The following SCN9A variants were observed in gnomAD, a reference collection of about 807,000 sequenced individuals.
The protein encoded by SCN9A is sodium channel protein type 9 subunit alpha.
A neutral mutation model predicts 187.0 loss-of-function variants in SCN9A; 131 were observed. The observed-to-expected ratio is 0.70, with a 90% CI of 0.61 to 0.81. The LOEUF is 0.81. Ranked by LOEUF, SCN9A falls within the 30% of genes least tolerant of loss-of-function variation. The pLI, the probability that SCN9A is intolerant of heterozygous loss-of-function variation, is 0.00. For synonymous variants in SCN9A, 809 were observed against 808.6 expected (o/e 1.00, Z -0.01); for missense variants, 2,252 against 2,396.6 (o/e 0.94, Z 1.26).
At position 166,226,559 on chromosome 2, in the gene SCN9A, ATACT is replaced by A; in HGVS notation, c.4398+4_4398+7del. 6.5e-7 allele frequency: 1 copy of A among 1,534,684 alleles called. No homozygotes were observed. Among genetic ancestry groups the A allele is most frequent in the Non-Finnish European group, 8.8e-7 (1 of 1,131,736 alleles). ...TTCATTACAATGAAAAATATTTGAA[ATACT>A]TATCTTCTTTTTCTGTTGGTTGAAA... On this transcript the variant is annotated splice_donor_5th_base_variant and intron_variant, in intron 24 of 26. Coordinates refer to ENST00000642356, the MANE Select transcript of SCN9A (RefSeq NM_001365536.1).
At chr2:166,217,859 A>G (rs1175596317) in intron 24 of SCN9A, among the ~76,000 whole-genome samples, 2 of 152,094 alleles carry the variant, frequency 1.3e-5, no homozygotes, top group Non-Finnish European at 2.9e-5. Flanking sequence ...ACTTCTAGGT[A>G]TATAGTGGTA....
chr2:166,222,935 AAAAAAACAAC>A lies in SCN9A; in HGVS notation c.4398+3622_4398+3631del, dbSNP rs1694661605. Among the ~76,000 whole-genome samples, 98 of 103,578 alleles carry A rather than the reference AAAAAAACAAC, an allele frequency of 9.5e-4. 3 individuals are homozygous for A. The highest frequency in any genetic ancestry group is 3.8e-3 in the African/African-American group (89 of 23,384). The allele number at this position is 103,578 out of a possible 152,430, so 68.0% of individuals were successfully genotyped here. A position where few individuals can be genotyped will look rare whatever the true frequency, so the allele number is the denominator to read the frequency against. On this transcript the variant is annotated intron_variant, in intron 24 of 26. Transcript: ENST00000642356. Reference sequence around the variant, plus strand: ...GACAGAGCGAAACTCCGTCTCAAAAAAAAAAACAACAAAAAAAAAAAAAAAAAAAAAAAAA... The same window carrying A: ...GACAGAGCGAAACTCCGTCTCAAAAAAAAAAAAAAAAAAAAAAAAAAAAAA...
At position 166,204,361 on chromosome 2, in the gene SCN9A, C is replaced by T. The variant is rs934276496; in HGVS notation, c.4502G>A (p.Gly1501Glu). Residue 1501 changes from glycine to glutamate, a missense_variant and splice_region_variant, in exon 25 of 27, where the codon GGG becomes GAG. By Grantham distance (98) the Gly-to-Glu change is moderately conservative (BLOSUM62 -2). Transcript: ENST00000642356. ...CTAAAGATATATATATTTTTTTACCCCTGGTCGAGGAATTGGCTTTTGTGG... is the reference window on the plus strand; with the variant it reads ...CTAAAGATATATATATTTTTTTACCTCTGGTCGAGGAATTGGCTTTTGTGG... The part of the protein sequence containing the change: ...KKPQKPIPRP[G>E]NKIQGCIFDL... 2.5e-6 allele frequency: 4 copies of T among 1,602,550 alleles called. No homozygotes were observed. Among genetic ancestry groups the T allele is most frequent in the African/African-American group, 2.7e-5 (2 of 74,564 alleles).
At chr2:166,265,193 A>G (rs532211463) in intron 17 of SCN9A, among the ~76,000 whole-genome samples, 2 of 151,872 alleles carry the variant, frequency 1.3e-5, no homozygotes, top group South Asian at 4.2e-4. Context: ...GTACCTGTTG[A>G]CCAATCTTTC....
At chr2:166,228,565 C>T in intron 22 of SCN9A, 126 bp downstream of exon 22, 1 of 869,888 alleles carries the variant, frequency 1.1e-6, no homozygotes, top group Non-Finnish European at 1.6e-6. Context: ...CCAAGACTGG[C>T]ACTGTTTTAA....
Position 166,272,745 on chromosome 2 carries a change from A to G in SCN9A, c.3005T>C (p.Val1002Ala). 6.4e-7 allele frequency: 1 copy of G among 1,565,720 alleles called. No individual in the cohort carries two copies. The highest frequency in any genetic ancestry group is 8.6e-7 in the Non-Finnish European group (1 of 1,158,922). ...VTRIKKGINYVKQTLREFILK... is the reference protein window; with the variant it reads ...VTRIKKGINYAKQTLREFILK... ...AATAAATTCACGTAAGGTTTGTTTCACATAATTTATTCCCTTTTTAATTCT... is the reference window on the plus strand; with the variant it reads ...AATAAATTCACGTAAGGTTTGTTTCGCATAATTTATTCCCTTTTTAATTCT... Residue 1002 changes from valine (V) to alanine (A), a missense_variant, in exon 17 of 27, where the codon GTG (valine) becomes GCG (alanine). By Grantham distance (64) the Val-to-Ala change is moderately conservative (BLOSUM62 0). Around this residue, in one of 7 missense-constraint regions of SCN9A, gnomAD observed 313 missense variants for 295.3 expected, o/e 1.06. Coordinates refer to ENST00000642356, the MANE Select transcript of SCN9A (RefSeq NM_001365536.1).
intron 18 of SCN9A, among the ~76,000 whole-genome samples, chr2:166,251,054 T>C (rs185274423): frequency 6.6e-6 from 1 of 151,716 alleles, no homozygotes; most frequent in East Asian, 1.9e-4. Context: ...AAACAACAGA[T>C]GGTGATGACC....
chr2:166,219,372 T>C, intron 24 of SCN9A, among the ~76,000 whole-genome samples: 1 of 151,936 alleles, frequency 6.6e-6, no homozygotes, highest in Non-Finnish European at 1.5e-5. Flanking sequence ...ATATACCATA[T>C]AATACTATGC....
At chr2:166,229,525 T>C (rs561211058) in intron 21 of SCN9A, among the ~76,000 whole-genome samples, 6 of 152,128 alleles carry the variant, frequency 3.9e-5, no homozygotes, top group Non-Finnish European at 7.4e-5. Context: ...TATTTTCTTT[T>C]CTTATTCTCT....
intron 1 of SCN9A, among the ~76,000 whole-genome samples, chr2:166,328,218 G>A (rs6738102): frequency 0.3 from 45,169 of 151,946 alleles, 8,855 homozygotes; most frequent in African/African-American, 0.56. Flanking sequence ...CGTTTGTGAA[G>A]AATTCATCAA....
chr2:166,226,679 T>G lies in SCN9A; in HGVS notation c.4286A>C (p.Tyr1429Ser). The change falls in exon 24 of 27, where the codon TAT becomes TCT. Residue 1429 changes from tyrosine (Y) to serine (S), a missense_variant. Physicochemically the swap from Tyr to Ser is moderately radical, Grantham distance 144 (BLOSUM62 -2). This residue lies in a region of SCN9A where 368 missense variants were observed against 408.6 expected (regional missense o/e 0.90). Coordinates refer to ENST00000642356, the MANE Select transcript of SCN9A (RefSeq NM_001365536.1). ...VNVDKQPKYE[Y>S]SLYMYIYFVV... is the part of the protein sequence containing the mutation. ...AAAATAAATATACATGTAGAGGCTA[T>G]ATTCATATTTGGGCTGCTTGTCTAC... 1 of 1,577,646 alleles carries G rather than the reference T, an allele frequency of 6.3e-7. No homozygotes were observed. The highest frequency in any genetic ancestry group is 8.6e-7 in the Non-Finnish European group (1 of 1,164,286).
chr2:166,201,604 A>G lies in SCN9A; in HGVS notation c.4775-1740T>C, dbSNP rs1693535965. On this transcript the variant is annotated intron_variant, in intron 26 of 26. Transcript: ENST00000642356. ...ATAGTATAGAGTATGCGTATACTAT[A>G]TATATAGTATAGAGTATGCGTATAC... Among the ~76,000 whole-genome samples the G allele has an allele frequency of 4.6e-5, 4 of 86,734 alleles. No individual in the cohort carries two copies. The South Asian group carries it at 1.5e-3, about 33-fold the overall frequency. 56.9% of individuals were successfully genotyped at this position (86,734 alleles called of 152,430 possible).
intron 7 of SCN9A, chr2:166,301,018 C>G (rs1365782740): frequency 6.6e-6 from 1 of 150,394 alleles, no homozygotes; most frequent in Admixed American, 6.6e-5. Flanking sequence ...GATTCTCCTG[C>G]CTCAGCCTCC....
At chr2:166,367,724 A>G (rs912522316) in intron 1 of SCN9A, among the ~76,000 whole-genome samples, 4 of 152,134 alleles carry the variant, frequency 2.6e-5, no homozygotes, top group Non-Finnish European at 4.4e-5. Flanking sequence ...GTGCAATAAT[A>G]CTCCTAGACC....
At chr2:166,302,743 TA>T (rs1314498903) in intron 7 of SCN9A, 2 of 149,038 alleles carry the variant, frequency 1.3e-5, no homozygotes, top group Non-Finnish European at 3.0e-5. Flanking sequence ...TACTATATAA[TA>T]AAATTATATA....
Position 166,247,389 on chromosome 2 carries a change from G to T in SCN9A, c.3472+4376C>A, listed in dbSNP as rs1233845804. Among the ~76,000 whole-genome samples, 5 of 152,008 alleles carry T rather than the reference G, an allele frequency of 3.3e-5. No homozygotes were observed. In the East Asian group the frequency reaches 9.6e-4, roughly 29 times the overall value. On this transcript the variant is annotated intron_variant, in intron 18 of 26. Transcript: ENST00000642356. Reference sequence around the variant, plus strand: ...AAAAAATAAAAGTCACAAAGGAGTTGGTTATTGTGTTACTAAAGTTAGAAT... The same window carrying T: ...AAAAAATAAAAGTCACAAAGGAGTTTGTTATTGTGTTACTAAAGTTAGAAT...
intron 9 of SCN9A, among the ~76,000 whole-genome samples, chr2:166,291,777 A>G (rs1306626494): frequency 6.6e-6 from 1 of 152,188 alleles, no homozygotes; most frequent in Non-Finnish European, 1.5e-5. Context: ...ACACTTCTAC[A>G]AGCATCTGAT....
rs141946142 is a variant in SCN9A at position 166,280,340 on chromosome 2, C to T, written c.2343+17G>A. ...AAAGAGAAACTATGAGTACATAACA[C>T]ACAATAAGAGACTTACCAAATTTCC... is the stretch of plus-strand genomic sequence containing the variant. On this transcript the variant is annotated intron_variant, in intron 14 of 26. Coordinates refer to ENST00000642356, the MANE Select transcript of SCN9A (RefSeq NM_001365536.1). The T allele has an allele frequency of 9.2e-4, 1,271 of 1,375,536 alleles. 22 individuals are homozygous for T. The East Asian group carries it at 0.028, about 30-fold the overall frequency. The allele number at this position is 1,375,536 out of a possible 1,614,324, so 85.2% of individuals were successfully genotyped here. A position where few individuals can be genotyped will look rare whatever the true frequency, so the allele number is the denominator to read the frequency against.
intron 18 of SCN9A, among the ~76,000 whole-genome samples, chr2:166,246,673 T>C (rs1464663032): frequency 6.6e-6 from 1 of 152,122 alleles, no homozygotes; most frequent in African/African-American, 2.4e-5. Flanking sequence ...GGGCAAATTA[T>C]TGGATAAGAA....
Sources: allele counts gnomAD v4.1 joint callset (sites outside exome capture counted in the v4.1 genomes callset), GRCh38; gene constraint gnomAD v4.1.1; regional missense constraint gnomAD v4.1.1; transcripts MANE v1.5; gene names NCBI Gene and HGNC (gene_info 2026-07-23, HGNC 2026-07-21).